The following SVIL variants were observed in gnomAD, a reference collection of about 807,000 sequenced individuals.
SVIL encodes archvillin.
A neutral mutation model predicts 240.4 loss-of-function variants in SVIL; 101 were observed. The observed-to-expected ratio is 0.42, with a 90% CI of 0.36 to 0.50. The LOEUF is 0.50. Among genes scored for constraint, SVIL ranks in the 20% least tolerant of loss-of-function variants. SVIL has a pLI of 0.01. For synonymous variants in SVIL, 999 were observed against 1,100.0 expected (o/e 0.91, Z 1.82); for missense variants, 2,512 against 2,818.7 (o/e 0.89, Z 2.46).
chr10:29,470,971 G>A (rs1020726049), intron 31 of SVIL, among the ~76,000 whole-genome samples, 167 bp downstream of exon 31: 32 of 152,082 alleles, frequency 2.1e-4, no homozygotes, highest in Admixed American at 5.2e-4. Context: ...AGGGAGAGGC[G>A]GGTCATGAGC....
At chr10:29,599,254 C>T (rs1253487771) in intron 1 of SVIL, among the ~76,000 whole-genome samples, 1 of 152,166 alleles carries the variant, frequency 6.6e-6, no homozygotes, top group African/African-American at 2.4e-5. Flanking sequence ...CAGGACAACA[C>T]TCAACTCCTA....
intron 17 of SVIL, among the ~76,000 whole-genome samples, chr10:29,510,620 C>T (rs796978134): frequency 6.6e-6 from 1 of 152,014 alleles, no homozygotes; most frequent in Non-Finnish European, 1.5e-5. Context: ...GGCACCTGCT[C>T]TCCTGGGTAC....
intron 1 of SVIL, among the ~76,000 whole-genome samples, chr10:29,729,065 A>G (rs994826876): frequency 6.6e-6 from 1 of 152,136 alleles, no homozygotes; most frequent in African/African-American, 2.4e-5. Context: ...GGGGAGTGGT[A>G]CTATGGCTGC....
At chr10:29,629,952 C>T (rs958987160) in intron 1 of SVIL, among the ~76,000 whole-genome samples, 3 of 149,332 alleles carry the variant, frequency 2.0e-5, no homozygotes, top group African/African-American at 7.3e-5. Flanking sequence ...TGCATTCCAA[C>T]CTGGGTGACC....
intron 1 of SVIL, among the ~76,000 whole-genome samples, chr10:29,730,439 A>C (rs1421228608): frequency 6.6e-6 from 1 of 152,182 alleles, no homozygotes; most frequent in East Asian, 1.9e-4. Context: ...AGCGCAGGCA[A>C]GGTTCTCAAC....
At position 29,485,994 on chromosome 10, in the gene SVIL, A is replaced by T. The variant is rs546565180; in HGVS notation, c.4779+91T>A. On this transcript the variant is annotated intron_variant, in intron 26 of 37. Transcript: ENST00000355867. ...TGGATACCGACACTGGCTAACCTTTATTGGGAACTTACTCTCTAATCTATT... is the reference window on the plus strand; with the variant it reads ...TGGATACCGACACTGGCTAACCTTTTTTGGGAACTTACTCTCTAATCTATT... The T allele has an allele frequency of 4.4e-5, 65 of 1,470,384 alleles. No individual in the cohort carries two copies. The African/African-American group carries it at 8.6e-4, about 19-fold the overall frequency. 91.1% of individuals were successfully genotyped at this position (1,470,384 alleles called of 1,614,324 possible). A position where few individuals can be genotyped will look rare whatever the true frequency, so the allele number is the denominator to read the frequency against.
chr10:29,667,821 C>T (rs1003736212), intron 2 of SVIL, among the ~76,000 whole-genome samples: 1 of 150,650 alleles, frequency 6.6e-6, no homozygotes, highest in Non-Finnish European at 1.5e-5. Flanking sequence ...TGCCACTGTA[C>T]TGTAGCTTGG....
chr10:29,459,256 A>G (rs567252714), intron 36 of SVIL, among the ~76,000 whole-genome samples: 43 of 152,316 alleles, frequency 2.8e-4, no homozygotes, highest in African/African-American at 1.0e-3. Context: ...CACTATTGGC[A>G]TGTGCCACCA....
intron 27 of SVIL, among the ~76,000 whole-genome samples, chr10:29,482,021 CTTTTTTTTTTTT>C (rs35856299): frequency 2.6e-5 from 3 of 113,400 alleles, no homozygotes; most frequent in Non-Finnish European, 1.9e-5. Flanking sequence ...CTTTTCTTTT[CTTTTTTTTTTTT>C]TTTTTTTTTT....
intron 1 of SVIL, among the ~76,000 whole-genome samples, chr10:29,722,110 C>T (rs1964022528): frequency 6.6e-6 from 1 of 151,542 alleles, no homozygotes. Flanking sequence ...TGGTGGTGCG[C>T]ATCTGTAATT....
In SVIL at chr10:29,506,040, G is replaced by A. The variant is rs182450684; in HGVS notation, c.3516+6695C>T. 2.2e-3 allele frequency among the ~76,000 whole-genome samples: 337 copies of A among 152,236 alleles called. 5 individuals carry two copies. In the South Asian group the frequency reaches 0.025, roughly 11 times the overall value. On this transcript the variant is annotated intron_variant, in intron 17 of 37. Transcript: ENST00000355867. Reference sequence around the variant, plus strand: ...AATACCTAATACAAGGTAATGTTATGTAAATAGTTGTTCTGCTGTATTGGT... The same window carrying A: ...AATACCTAATACAAGGTAATGTTATATAAATAGTTGTTCTGCTGTATTGGT...
chr10:29,700,718 C>T (rs1168619658), intron 1 of SVIL, among the ~76,000 whole-genome samples: 1 of 152,118 alleles, frequency 6.6e-6, no homozygotes, highest in Non-Finnish European at 1.5e-5. Context: ...CATGATCCGC[C>T]TGCCTCGGCC....
intron 2 of SVIL, among the ~76,000 whole-genome samples, chr10:29,671,600 C>T (rs765499334): frequency 1.3e-5 from 2 of 152,230 alleles, no homozygotes; most frequent in Non-Finnish European, 2.9e-5. Flanking sequence ...CCCTTCCTTG[C>T]TACACTAACC....
intron 1 of SVIL, among the ~76,000 whole-genome samples, chr10:29,696,126 GT>G (rs996542333): frequency 6.6e-6 from 1 of 151,760 alleles, no homozygotes; most frequent in Non-Finnish European, 1.5e-5. Flanking sequence ...TGGTTTTCGT[GT>G]TTTTTTGGTG....
intron 31 of SVIL, 133 bp downstream of exon 31, chr10:29,471,005 C>CA (rs1296063914): frequency 6.1e-6 from 5 of 816,590 alleles, no homozygotes; most frequent in Non-Finnish European, 1.0e-5. Context: ...AGTTATCAGG[C>CA]AAACATCAGG....
intron 1 of SVIL, 28 bp from the exon 2 acceptor site, chr10:29,569,340 G>A: frequency 1.0e-6 from 1 of 962,342 alleles, no homozygotes. Flanking sequence ...ATGTAACATT[G>A]AAATAGTTAT....
chr10:29,479,418 C>T (rs1167148273), intron 29 of SVIL, among the ~76,000 whole-genome samples: 1 of 152,188 alleles, frequency 6.6e-6, no homozygotes, highest in Non-Finnish European at 1.5e-5. Flanking sequence ...AGTAGGCCCT[C>T]AGCTACAGGC....
intron 1 of SVIL, among the ~76,000 whole-genome samples, chr10:29,576,634 T>C (rs1361817549): frequency 2.0e-5 from 3 of 152,234 alleles, no homozygotes; most frequent in Admixed American, 6.5e-5. Context: ...TGCCTTGAAC[T>C]CCTGGGCTCA....
intron 1 of SVIL, among the ~76,000 whole-genome samples, chr10:29,716,254 T>C (rs1208353412): frequency 2.0e-5 from 3 of 152,236 alleles, no homozygotes; most frequent in African/African-American, 7.2e-5. Flanking sequence ...GGTAATTATA[T>C]CAAAATACTT....
Sources: gnomAD v4.1 joint callset for allele counts (sites outside exome capture counted in the v4.1 genomes callset) on GRCh38, gnomAD v4.1.1 for gene constraint, MANE v1.5 for transcripts, NCBI Gene and HGNC (gene_info 2026-07-23, HGNC 2026-07-21) for gene names.